SEC24D: variants seen among roughly 807,000 people sequenced by gnomAD.
The protein encoded by SEC24D is SEC24 homolog D, COPII component.
SEC24D carries 69 observed loss-of-function variants against 116.9 expected under a neutral mutation model. The observed-to-expected ratio is 0.59, with a 90% CI of 0.49 to 0.72. SEC24D has a LOEUF of 0.72. Among genes scored for constraint, SEC24D ranks in the 30% least tolerant of loss-of-function variants. SEC24D has a pLI of 0.00. For synonymous variants in SEC24D, 405 were observed against 442.8 expected (o/e 0.91, Z 1.07); for missense variants, 1,131 against 1,264.1 (o/e 0.89, Z 1.60).
chr4:118,755,503 C>A (rs1010427712), intron 11 of SEC24D, among the ~76,000 whole-genome samples: 4 of 148,640 alleles, frequency 2.7e-5, no homozygotes, highest in East Asian at 1.9e-4. Flanking sequence ...AGAGCTTGAT[C>A]TGAATAACAG....
intron 8 of SEC24D, among the ~76,000 whole-genome samples, chr4:118,784,281 A>G (rs189015542): frequency 1.1e-3 from 165 of 152,342 alleles, no homozygotes; most frequent in Non-Finnish European, 1.9e-3. Context: ...TTTATTCTAT[A>G]TCAATAAACT....
intron 1 of SEC24D, among the ~76,000 whole-genome samples, chr4:118,834,748 C>G (rs778325459): frequency 5.3e-5 from 8 of 152,202 alleles, no homozygotes; most frequent in Non-Finnish European, 8.8e-5. Flanking sequence ...CAGATTTCCA[C>G]TGATTCTACA....
At chr4:118,772,223 G>A (rs1359277081) in intron 8 of SEC24D, among the ~76,000 whole-genome samples, 1 of 152,160 alleles carries the variant, frequency 6.6e-6, no homozygotes, top group Non-Finnish European at 1.5e-5. Flanking sequence ...ATTAAAGAAA[G>A]CAGCTAAATA....
chr4:118,778,070 G>A (rs1424700521), intron 8 of SEC24D, among the ~76,000 whole-genome samples: 1 of 152,164 alleles, frequency 6.6e-6, no homozygotes, highest in African/African-American at 2.4e-5. Flanking sequence ...TGTTCACTCT[G>A]ATGGTAGTTT....
intron 4 of SEC24D, 119 bp from the exon 5 acceptor site, chr4:118,815,845 AAC>A: frequency 9.0e-7 from 1 of 1,108,074 alleles, no homozygotes; most frequent in South Asian, 1.5e-5. Context: ...CACCCTTAGA[AAC>A]ACATGTTTGG....
At chr4:118,806,101 A>T (rs1217153974) in intron 6 of SEC24D, 147 bp from the exon 7 acceptor site, 18 of 577,374 alleles carry the variant, frequency 3.1e-5, no homozygotes, top group Non-Finnish European at 4.5e-5. Flanking sequence ...AGTCTCACAC[A>T]CTCACACAAA....
At chr4:118,733,742 G>C (rs942271553) in intron 19 of SEC24D, among the ~76,000 whole-genome samples, 2 of 152,086 alleles carry the variant, frequency 1.3e-5, no homozygotes, top group Admixed American at 6.5e-5. Flanking sequence ...CCACAAACAC[G>C]TTCTTCCTCC....
At position 118,738,299 on chromosome 4, in the gene SEC24D, A is replaced by C; in HGVS notation, c.2458T>G (p.Tyr820Asp). ...VNQTAHMLAC[Y>D]RKNCASPSAA... ...GAAGGACTTGCACAATTCTTCCGGT[A>C]ACATGCCAACATATGGGCAGTCTGA... The change falls in exon 19 of 23, where the codon TAC becomes GAC. Residue 820 changes from tyrosine (Y) to aspartate (D), a missense_variant. By Grantham distance (160) the Tyr-to-Asp change is radical. Transcript: ENST00000280551. 6.2e-7 allele frequency: 1 copy of C among 1,613,680 alleles called. No individual in the cohort carries two copies. Among genetic ancestry groups the C allele is most frequent in the Non-Finnish European group, 8.5e-7 (1 of 1,179,606 alleles).
chr4:118,804,114 G>A (rs571555626), intron 7 of SEC24D, among the ~76,000 whole-genome samples: 21 of 152,216 alleles, frequency 1.4e-4, no homozygotes, highest in African/African-American at 4.1e-4. Flanking sequence ...AATGTGATAC[G>A]GGTGAAATAT....
chr4:118,782,337 G>A (rs1728453148), intron 8 of SEC24D, among the ~76,000 whole-genome samples: 1 of 152,134 alleles, frequency 6.6e-6, no homozygotes, highest in Admixed American at 6.6e-5. Flanking sequence ...CTTCTAACAG[G>A]TCCCTCAGCA....
intron 11 of SEC24D, among the ~76,000 whole-genome samples, chr4:118,756,122 GAGAGAA>G (rs57739464): frequency 0.61 from 92,281 of 151,792 alleles, 30,509 homozygotes; most frequent in Non-Finnish European, 0.72. Flanking sequence ...AGAAGGAAAA[GAGAGAA>G]AGACCATTTC....
chr4:118,814,201 G>A (rs1346526732), intron 6 of SEC24D, among the ~76,000 whole-genome samples: 5 of 152,310 alleles, frequency 3.3e-5, no homozygotes. Flanking sequence ...GTGACATTGG[G>A]CTTTGTTTTA....
chr4:118,792,919 CAT>C (rs1728996355), intron 8 of SEC24D, among the ~76,000 whole-genome samples: 1 of 152,042 alleles, frequency 6.6e-6, no homozygotes, highest in Non-Finnish European at 1.5e-5. Flanking sequence ...AACAAAAAAA[CAT>C]AATTTTGCTT....
chr4:118,731,283 T>G (rs773073183), intron 21 of SEC24D, 33 bp downstream of exon 21: 17 of 1,552,862 alleles, frequency 1.1e-5, no homozygotes, highest in Non-Finnish European at 1.2e-5. Context: ...ATATTTTTCA[T>G]ATTACCACAA....
At chr4:118,804,500 TTAAA>T (rs758672171) in intron 7 of SEC24D, among the ~76,000 whole-genome samples, 1 of 151,760 alleles carries the variant, frequency 6.6e-6, no homozygotes, top group African/African-American at 2.4e-5. Context: ...ATTTTAAATA[TTAAA>T]TAAATAGATA....
chr4:118,744,789 G>A (rs976810672), intron 14 of SEC24D, among the ~76,000 whole-genome samples, 155 bp downstream of exon 14: 20 of 152,204 alleles, frequency 1.3e-4, no homozygotes, highest in African/African-American at 4.3e-4. Flanking sequence ...AATATTTTAA[G>A]TTGTCTGTAA....
At chr4:118,804,342 A>C (rs1206142926) in intron 7 of SEC24D, among the ~76,000 whole-genome samples, 1 of 152,170 alleles carries the variant, frequency 6.6e-6, no homozygotes, top group Admixed American at 6.5e-5. Context: ...TTGCAGAGAA[A>C]ACAGTACAAT....
intron 19 of SEC24D, chr4:118,735,736 C>T (rs1055590523): frequency 1.3e-5 from 2 of 149,280 alleles, no homozygotes; most frequent in African/African-American, 4.9e-5. Context: ...CTTTGTCATC[C>T]AGGCTAGAGT....
intron 9 of SEC24D, 35 bp from the exon 10 acceptor site, chr4:118,764,952 T>C (rs757151531): frequency 8.1e-7 from 1 of 1,236,154 alleles, no homozygotes; most frequent in Non-Finnish European, 1.2e-6. Flanking sequence ...AAATATTTTG[T>C]TTTCATAAAC....
Sources: allele counts gnomAD v4.1 joint callset (sites outside exome capture counted in the v4.1 genomes callset), GRCh38; gene constraint gnomAD v4.1.1; transcripts MANE v1.5; gene names NCBI Gene and HGNC (gene_info 2026-07-23, HGNC 2026-07-21).